The following HNRNPLL variants were observed in gnomAD, a reference collection of about 807,000 sequenced individuals.
HNRNPLL encodes the protein heterogeneous nuclear ribonucleoprotein L-like.
In HNRNPLL, 25 loss-of-function variants were observed where a neutral mutation model predicts 67.1. The observed-to-expected ratio is 0.37, with a 90% CI of 0.27 to 0.52. The LOEUF (loss-of-function observed/expected upper bound fraction) is 0.52, where lower values mean the gene tolerates loss of function less well. Among genes scored for constraint, HNRNPLL ranks in the 20% least tolerant of loss-of-function variants. HNRNPLL has a pLI of 0.90. For synonymous variants in HNRNPLL, 267 were observed against 241.7 expected, an observed-to-expected ratio of 1.10 and a Z score of -0.97; for missense variants, 542 against 673.9, an observed-to-expected ratio of 0.80 and a Z score of 2.17.
At position 38,602,690 on chromosome 2, in the gene HNRNPLL, T is replaced by TGCCGCCGGCCAGTCCTC; in HGVS notation, c.-81_-65dup. 2.1e-6 allele frequency: 3 copies of TGCCGCCGGCCAGTCCTC among 1,423,438 alleles called. No homozygotes were observed. 88.2% of individuals were successfully genotyped at this position (1,423,438 alleles called of 1,614,324 possible). On this transcript the variant is annotated 5_prime_UTR_variant, in exon 1 of 13. Transcript: ENST00000449105. ...GTGGCGGTGGGGCGCGCGCCTCGGA[T>TGCCGCCGGCCAGTCCTC]GCCGCCGGCCAGTCCTCGCCGCCGG...
At position 38,569,288 on chromosome 2, in the gene HNRNPLL, C is replaced by A. The variant is rs779540290; in HGVS notation, c.1261G>T (p.Glu421Ter). The A allele has an allele frequency of 1.2e-6, 2 of 1,613,012 alleles. No homozygotes were observed. Among genetic ancestry groups the A allele is most frequent in the Non-Finnish European group, 8.5e-7 (1 of 1,179,382 alleles). The change falls in exon 10 of 13, where the codon GAG (glutamate) becomes TAG (stop). Residue 421 changes from glutamate to a stop codon, truncating the protein, a stop_gained. Coordinates refer to ENST00000449105, the MANE Select transcript of HNRNPLL (RefSeq NM_138394.4). LOFTEE classifies it high-confidence loss of function. ...TCTTTGTAGCTGCTGGTACCATCCT[C>A]CAGCTCAAATATTTGACTTGGAACA... ...SVVPSQIFEL[E>*]DGTSSYKDFA...
chr2:38,598,304 T>C (rs1036856887), intron 1 of HNRNPLL, among the ~76,000 whole-genome samples: 1 of 152,150 alleles, frequency 6.6e-6, no homozygotes, highest in Non-Finnish European at 1.5e-5. Context: ...AATGTCAGCC[T>C]AGCTTTACCA....
intron 7 of HNRNPLL, among the ~76,000 whole-genome samples, chr2:38,574,711 G>C (rs949419231): frequency 6.6e-6 from 1 of 151,688 alleles, no homozygotes; most frequent in Non-Finnish European, 1.5e-5. Context: ...TGCAATTTTA[G>C]GGAGGAATAC....
At chr2:38,589,162 A>C (rs1203707589) in intron 2 of HNRNPLL, among the ~76,000 whole-genome samples, 2 of 152,228 alleles carry the variant, frequency 1.3e-5, no homozygotes, top group Non-Finnish European at 2.9e-5. Context: ...GTATAGAAAA[A>C]TAACAAAAGT....
intron 2 of HNRNPLL, among the ~76,000 whole-genome samples, chr2:38,587,831 G>A (rs1417851394): frequency 2.0e-5 from 3 of 152,186 alleles, no homozygotes; most frequent in African/African-American, 4.8e-5. Context: ...GTGGGGCCTA[G>A]TAGGAGGTGA....
chr2:38,596,719 C>A (rs1252794752), intron 1 of HNRNPLL, among the ~76,000 whole-genome samples: 7 of 151,944 alleles, frequency 4.6e-5, no homozygotes, highest in African/African-American at 1.2e-4. Flanking sequence ...TTTTTTTAAT[C>A]TTTCCTCATA....
Position 38,564,370 on chromosome 2 carries a change from A to G in HNRNPLL, c.1574-133T>C. 3 of 576,650 alleles carry G rather than the reference A, an allele frequency of 5.2e-6. No homozygotes were observed. The East Asian group carries it at 9.3e-5, about 18-fold the overall frequency. 35.7% of individuals were successfully genotyped at this position (576,650 alleles called of 1,614,324 possible). ...TGGTGAATATAAAGCAGGAATATAA[A>G]GAAGTAAAATTGGCCAGATGCGGTG... On this transcript the variant is annotated intron_variant, in intron 12 of 12. Transcript: ENST00000449105.
intron 1 of HNRNPLL, among the ~76,000 whole-genome samples, chr2:38,597,852 T>C (rs1361911548): frequency 6.6e-6 from 1 of 151,864 alleles, no homozygotes; most frequent in Non-Finnish European, 1.5e-5. Flanking sequence ...CACACCCGGC[T>C]AATTTTTTGT....
intron 4 of HNRNPLL, 23 bp downstream of exon 4, chr2:38,583,818 A>G: frequency 8.5e-7 from 1 of 1,171,274 alleles, no homozygotes; most frequent in Non-Finnish European, 1.2e-6. Context: ...ACACATCAAT[A>G]AAAATTTACA....
intron 1 of HNRNPLL, among the ~76,000 whole-genome samples, chr2:38,593,387 A>G (rs973847422): frequency 1.3e-5 from 2 of 152,256 alleles, no homozygotes; most frequent in Non-Finnish European, 2.9e-5. Context: ...GCATGTATTT[A>G]AAGTATAACA....
At chr2:38,565,235 G>A (rs1006926050) in intron 12 of HNRNPLL, among the ~76,000 whole-genome samples, 1 of 152,094 alleles carries the variant, frequency 6.6e-6, no homozygotes, top group African/African-American at 2.4e-5. Context: ...CAACAAGTGT[G>A]TACAAGACAC....
chr2:38,579,314 A>G (rs2148354566), intron 6 of HNRNPLL, among the ~76,000 whole-genome samples: 2 of 152,202 alleles, frequency 1.3e-5, no homozygotes, highest in Admixed American at 1.3e-4. Context: ...CTTCTAAATG[A>G]CGAGTTAATG....
intron 2 of HNRNPLL, among the ~76,000 whole-genome samples, chr2:38,586,724 C>T (rs1377039231): frequency 3.3e-5 from 5 of 152,254 alleles, no homozygotes; most frequent in South Asian, 2.1e-4. Flanking sequence ...CATTTTAATA[C>T]TAACCATCCA....
intron 8 of HNRNPLL, among the ~76,000 whole-genome samples, chr2:38,572,786 G>A (rs1666144289): frequency 6.6e-6 from 1 of 151,954 alleles, no homozygotes; most frequent in African/African-American, 2.4e-5. Flanking sequence ...GGAAGCAAGT[G>A]CATAAATTCT....
chr2:38,600,733 T>C (rs142758080), intron 1 of HNRNPLL, among the ~76,000 whole-genome samples: 208 of 148,036 alleles, frequency 1.4e-3, no homozygotes, highest in Non-Finnish European at 1.4e-3. Context: ...CCCCGGGCCA[T>C]AGAGTGAGAT....
chr2:38,578,664 C>A (rs556315837), intron 6 of HNRNPLL, among the ~76,000 whole-genome samples: 2 of 152,136 alleles, frequency 1.3e-5, no homozygotes, highest in African/African-American at 4.8e-5. Flanking sequence ...TGTAAAAATT[C>A]TCTTTACATC....
intron 7 of HNRNPLL, among the ~76,000 whole-genome samples, chr2:38,575,360 A>G (rs575344847): frequency 2.1e-4 from 32 of 152,016 alleles, no homozygotes; most frequent in African/African-American, 7.5e-4. Context: ...CATAAATGGT[A>G]TATTAACATC....
At position 38,595,294 on chromosome 2, in the gene HNRNPLL, A is replaced by G. The variant is rs551145188; in HGVS notation, c.190-3646T>C. ...GTCTAAAAAAAAAAAAAAAAAAAAA[A>G]AAAGAAAAGAAAAAAACACAAAACA... is the stretch of plus-strand genomic sequence containing the variant. On this transcript the variant is annotated intron_variant, in intron 1 of 12. Coordinates refer to ENST00000449105, the MANE Select transcript of HNRNPLL (RefSeq NM_138394.4). 4.4e-3 allele frequency among the ~76,000 whole-genome samples: 652 copies of G among 146,534 alleles called. 8 individuals are homozygous for G. The highest frequency in any genetic ancestry group is 0.014 in the African/African-American group (558 of 39,454).
At chr2:38,566,128 G>A (rs1488907567) in intron 12 of HNRNPLL, 1 of 977,758 alleles carries the variant, frequency 1.0e-6, no homozygotes, top group Non-Finnish European at 1.2e-6. Context: ...CAGCACTTCG[G>A]AAGGCGGAGG....
Sources: gnomAD v4.1 joint callset for allele counts (sites outside exome capture counted in the v4.1 genomes callset) on GRCh38, gnomAD v4.1.1 for gene constraint, MANE v1.5 for transcripts, NCBI Gene and HGNC (gene_info 2026-07-23, HGNC 2026-07-21) for gene names.